CDH18: variants seen among roughly 807,000 people sequenced by gnomAD.
CDH18 encodes the protein cadherin-18.
A neutral mutation model predicts 67.9 loss-of-function variants in CDH18; 31 were observed. That is an observed-to-expected ratio of 0.46 (90% CI 0.34 to 0.62). The LOEUF is 0.62. Among genes scored for constraint, CDH18 ranks in the 20% least tolerant of loss-of-function variants. The pLI, the probability that CDH18 is intolerant of heterozygous loss-of-function variation, is 0.01. For missense variants in CDH18, 890 were observed against 975.5 expected, an observed-to-expected ratio of 0.91 and a Z score of 1.17; for synonymous variants, 362 against 347.2, an observed-to-expected ratio of 1.04 and a Z score of -0.48.
intron 8 of CDH18, among the ~76,000 whole-genome samples, chr5:19,549,751 A>AG (rs1737036927): frequency 7.4e-6 from 1 of 135,798 alleles, no homozygotes; most frequent in Non-Finnish European, 1.5e-5. Context: ...GAGAAAAGAA[A>AG]AAGAAAGAAA....
intron 1 of CDH18, among the ~76,000 whole-genome samples, chr5:20,544,952 A>G (rs1757260472): frequency 6.6e-6 from 1 of 152,170 alleles, no homozygotes; most frequent in Admixed American, 6.5e-5. Context: ...AAAGCAAGTC[A>G]ATTACTTCCA....
At chr5:20,211,833 A>T (rs929426654) in intron 2 of CDH18, among the ~76,000 whole-genome samples, 1 of 151,386 alleles carries the variant, frequency 6.6e-6, no homozygotes, top group African/African-American at 2.4e-5. Flanking sequence ...GAGAAACCAG[A>T]ACAGAAAAGC....
chr5:19,641,976 A>G (rs1754064958), intron 5 of CDH18, among the ~76,000 whole-genome samples: 1 of 152,036 alleles, frequency 6.6e-6, no homozygotes, highest in Admixed American at 6.6e-5. Context: ...CCTGTTGGAA[A>G]TAATAAATCT....
chr5:20,190,233 A>C (rs1738430136), intron 2 of CDH18, among the ~76,000 whole-genome samples: 1 of 152,076 alleles, frequency 6.6e-6, no homozygotes, highest in Non-Finnish European at 1.5e-5. Context: ...ATCGTCCTCA[A>C]AATCCTAGAT....
chr5:19,707,470 C>T (rs1166071326), intron 5 of CDH18, among the ~76,000 whole-genome samples: 2 of 152,050 alleles, frequency 1.3e-5, no homozygotes, highest in Non-Finnish European at 1.5e-5. Flanking sequence ...TTGGCTGGAC[C>T]CCCCAGTGGA....
intron 9 of CDH18, among the ~76,000 whole-genome samples, chr5:19,527,868 A>G (rs1747985491): frequency 6.6e-6 from 1 of 151,756 alleles, no homozygotes; most frequent in Admixed American, 6.6e-5. Flanking sequence ...AGTTGCCTAT[A>G]AATCCTCCAA....
chr5:19,500,327 C>G (rs1743032755), intron 11 of CDH18, among the ~76,000 whole-genome samples: 1 of 151,884 alleles, frequency 6.6e-6, no homozygotes, highest in African/African-American at 2.4e-5. Flanking sequence ...ATTGCTTTGT[C>G]TATGGAGGCA....
intron 1 of CDH18, among the ~76,000 whole-genome samples, chr5:19,984,847 C>T (rs546341196): frequency 2.0e-5 from 3 of 152,286 alleles, no homozygotes; most frequent in Admixed American, 2.0e-4. Flanking sequence ...CAGCACTTGT[C>T]TAAAACTGTA....
Position 20,425,149 on chromosome 5 carries a change from C to T in CDH18, c.-580+150313G>A, listed in dbSNP as rs977606992. Among the ~76,000 whole-genome samples, 60 of 150,894 alleles carry T rather than the reference C, an allele frequency of 4.0e-4. 1 individual carries two copies. The highest frequency in any genetic ancestry group is 1.3e-4 in the Admixed American group (2 of 15,216). ...TTGGGAGGCTGAGGCAGGCAGATCACGAGGTCAGAAGTTTGAGTCCAGCCT... is the reference window on the plus strand; with the variant it reads ...TTGGGAGGCTGAGGCAGGCAGATCATGAGGTCAGAAGTTTGAGTCCAGCCT... On this transcript the variant is annotated intron_variant, in intron 1 of 14. Coordinates refer to the CDH18 transcript ENST00000507958.
rs563998602 is a variant in CDH18, at chr5:20,016,343, GA to G, written c.-517-24330del. The stretch of plus-strand genomic sequence containing the variant: ...GGAGGTTGGAGGAGGAAGAGGATCA[GA>G]AAAAAATAACTCTTGGGTACTATAC... On this transcript the variant is annotated intron_variant, in intron 2 of 14. Coordinates refer to the CDH18 transcript ENST00000507958. Among the ~76,000 whole-genome samples, 10 of 152,060 alleles carry G rather than the reference GA, an allele frequency of 6.6e-5. No homozygotes were observed. In the South Asian group the frequency reaches 1.0e-3, roughly 16 times the overall value.
At chr5:20,238,464 G>A (rs1580551437) in intron 2 of CDH18, among the ~76,000 whole-genome samples, 1 of 152,198 alleles carries the variant, frequency 6.6e-6, no homozygotes, top group East Asian at 1.9e-4. Flanking sequence ...ATATGCACAT[G>A]AGATTAATTG....
chr5:19,830,232 T>G (rs1780865695), intron 3 of CDH18, among the ~76,000 whole-genome samples: 1 of 152,080 alleles, frequency 6.6e-6, no homozygotes, highest in Non-Finnish European at 1.5e-5. Flanking sequence ...CAGAAGAAAC[T>G]ATCAACAGAG....
At chr5:20,066,492 T>C (rs1339797023) in intron 2 of CDH18, among the ~76,000 whole-genome samples, 1 of 152,086 alleles carries the variant, frequency 6.6e-6, no homozygotes, top group Admixed American at 6.6e-5. Flanking sequence ...CTCAAAATAA[T>C]CATATCTACC....
intron 3 of CDH18, among the ~76,000 whole-genome samples, chr5:19,819,174 A>G (rs1330678101): frequency 6.6e-6 from 1 of 151,970 alleles, no homozygotes; most frequent in Non-Finnish European, 1.5e-5. Flanking sequence ...AGTAAAGAAT[A>G]ATATATATTG....
chr5:19,930,763 T>C (rs1793605253), intron 2 of CDH18, among the ~76,000 whole-genome samples: 1 of 152,014 alleles, frequency 6.6e-6, no homozygotes, highest in African/African-American at 2.4e-5. Context: ...CCCTTGCTTG[T>C]AGTGCATAAG....
chr5:20,266,506 T>C (rs1032358189), intron 1 of CDH18, among the ~76,000 whole-genome samples: 1 of 150,812 alleles, frequency 6.6e-6, no homozygotes, highest in South Asian at 2.1e-4. Context: ...CGGGTTCAAG[T>C]GATTCTCTTG....
At chr5:19,839,436 T>C (rs1459121487) in intron 2 of CDH18, among the ~76,000 whole-genome samples, 194 bp from the exon 3 acceptor site, 1 of 152,216 alleles carries the variant, frequency 6.6e-6, no homozygotes, top group Non-Finnish European at 1.5e-5. Flanking sequence ...GTCTGTACCA[T>C]TAATTCTCAA....
intron 2 of CDH18, among the ~76,000 whole-genome samples, chr5:20,222,365 A>G: frequency 6.6e-6 from 1 of 152,156 alleles, no homozygotes; most frequent in Non-Finnish European, 1.5e-5. Flanking sequence ...GGTACAGATT[A>G]TTCCCCTTGT....
intron 2 of CDH18, among the ~76,000 whole-genome samples, chr5:20,197,605 C>T (rs1739083806): frequency 6.6e-6 from 1 of 152,124 alleles, no homozygotes; most frequent in African/African-American, 2.4e-5. Flanking sequence ...TGATTTTGTC[C>T]TAGGGCACCC....
Sources: allele counts gnomAD v4.1 joint callset (sites outside exome capture counted in the v4.1 genomes callset), GRCh38; gene constraint gnomAD v4.1.1; transcripts MANE v1.5; gene names NCBI Gene and HGNC (gene_info 2026-07-23, HGNC 2026-07-21).